Variants in MAPRE2 observed in about 807,000 individuals in gnomAD.
The protein encoded by MAPRE2 is microtubule associated protein RP/EB family member 2.
In MAPRE2, 13 loss-of-function variants were observed where a neutral mutation model predicts 43.2. The observed-to-expected ratio is 0.30, with a 90% CI of 0.20 to 0.48. The LOEUF is 0.48. MAPRE2 is among the 20% of genes least tolerant of loss of function. The pLI is 0.99. For missense variants in MAPRE2, 161 were observed against 400.2 expected, an observed-to-expected ratio of 0.40 and a Z score of 5.10; for synonymous variants, 135 against 148.8, an observed-to-expected ratio of 0.91 and a Z score of 0.68.
At chr18:35,126,513 G>T (rs1555921925) in intron 4 of MAPRE2, among the ~76,000 whole-genome samples, 1 of 152,016 alleles carries the variant, frequency 6.6e-6, no homozygotes, top group Non-Finnish European at 1.5e-5. Context: ...TTTTAAAAGA[G>T]AAAAAAATAC....
intron 1 of MAPRE2, among the ~76,000 whole-genome samples, chr18:35,043,044 C>T (rs754017808): frequency 4.0e-4 from 61 of 152,258 alleles, no homozygotes; most frequent in Non-Finnish European, 4.3e-4. Context: ...ATGGTTCCAA[C>T]TAATGTGTTG....
chr18:35,090,156 G>T (rs1908075661), intron 2 of MAPRE2, among the ~76,000 whole-genome samples: 1 of 152,160 alleles, frequency 6.6e-6, no homozygotes, highest in Non-Finnish European at 1.5e-5. Context: ...GAGAGCGACT[G>T]CTAATGAGTA....
rs1425359150 is a variant in MAPRE2, at chr18:35,132,021, C to T, written c.751-11C>T. 3 of 1,613,476 alleles carry T rather than the reference C, an allele frequency of 1.9e-6. No individual in the cohort carries two copies. Among genetic ancestry groups the T allele is most frequent in the South Asian group, 2.2e-5 (2 of 91,030 alleles). On this transcript the variant is annotated splice_polypyrimidine_tract_variant and intron_variant, in intron 5 of 6. Coordinates refer to ENST00000300249, the MANE Select transcript of MAPRE2 (RefSeq NM_014268.4). ...GGGTGGTTTTTTTTCTTCACTCTCA[C>T]TCCCTTGCAGGTACATTCATTAAAA...
At chr18:35,134,279 TTA>T (rs1184171557) in intron 6 of MAPRE2, among the ~76,000 whole-genome samples, 1 of 152,222 alleles carries the variant, frequency 6.6e-6, no homozygotes, top group African/African-American at 2.4e-5. Context: ...AATCCTGAGT[TTA>T]TGTTCTCCCT....
intron 2 of MAPRE2, among the ~76,000 whole-genome samples, chr18:35,076,673 A>G (rs1369122879): frequency 6.6e-6 from 1 of 152,186 alleles, no homozygotes; most frequent in African/African-American, 2.4e-5. Context: ...GCATATTGTC[A>G]TCTCTAAAGA....
chr18:35,061,427 AT>A (rs1906521102), intron 1 of MAPRE2, among the ~76,000 whole-genome samples: 1 of 152,208 alleles, frequency 6.6e-6, no homozygotes, highest in African/African-American at 2.4e-5. Flanking sequence ...TTTCTCCATC[AT>A]CCTTGTGTGA....
intron 1 of MAPRE2, among the ~76,000 whole-genome samples, chr18:34,979,637 C>CA (rs1204075107): frequency 6.6e-6 from 1 of 151,730 alleles, no homozygotes; most frequent in Non-Finnish European, 1.5e-5. Context: ...TTATGTGAAG[C>CA]AGAAAGGATG....
intron 1 of MAPRE2, among the ~76,000 whole-genome samples, chr18:35,061,571 G>C (rs182170902): frequency 2.0e-5 from 3 of 152,266 alleles, no homozygotes; most frequent in Admixed American, 1.3e-4. Flanking sequence ...AATAAAATAC[G>C]TGCAGGTCTG....
upstream of MAPRE2, among the ~76,000 whole-genome samples, chr18:35,041,120 G>C (rs972088813): frequency 6.6e-6 from 1 of 152,194 alleles, no homozygotes; most frequent in Non-Finnish European, 1.5e-5. Flanking sequence ...GTGGCAGCAC[G>C]GGTCGGAAAG....
At chr18:35,124,256 A>C (rs1342911328) in intron 4 of MAPRE2, among the ~76,000 whole-genome samples, 1 of 152,166 alleles carries the variant, frequency 6.6e-6, no homozygotes, top group African/African-American at 2.4e-5. Context: ...AGTGCCAAGC[A>C]AAGAGGGAAA....
At chr18:35,124,178 G>T (rs1377755074) in intron 4 of MAPRE2, among the ~76,000 whole-genome samples, 2 of 152,152 alleles carry the variant, frequency 1.3e-5, no homozygotes, top group Admixed American at 1.3e-4. Flanking sequence ...GGAGGCCTCA[G>T]AAAACTTAAA....
At chr18:35,018,174 G>A (rs1471787211) in intron 2 of MAPRE2, among the ~76,000 whole-genome samples, 1 of 151,900 alleles carries the variant, frequency 6.6e-6, no homozygotes. Flanking sequence ...TGATCGTGGT[G>A]GGTTAACTTT....
At chr18:35,104,704 T>C (rs967637625) in intron 4 of MAPRE2, among the ~76,000 whole-genome samples, 1 of 152,150 alleles carries the variant, frequency 6.6e-6, no homozygotes, top group Non-Finnish European at 1.5e-5. Flanking sequence ...GAAACAAACA[T>C]TGATGGCAGT....
At chr18:35,038,063 G>A (rs868531512), upstream of MAPRE2, among the ~76,000 whole-genome samples, 5 of 152,134 alleles carry the variant, frequency 3.3e-5, no homozygotes, top group African/African-American at 1.2e-4. Context: ...CTACAGATGT[G>A]GCCCTTGCCC....
At chr18:35,106,818 A>G (rs1421738546) in intron 4 of MAPRE2, among the ~76,000 whole-genome samples, 1 of 152,062 alleles carries the variant, frequency 6.6e-6, no homozygotes, top group African/African-American at 2.4e-5. Flanking sequence ...TGCATCTTGA[A>G]TTGGTTTTAA....
rs776289014 is a variant in MAPRE2 at position 35,041,551 on chromosome 18, G to A, written c.12G>A (p.Pro4=). 2 of 1,614,216 alleles carry A rather than the reference G, an allele frequency of 1.2e-6. No homozygotes were observed. Among genetic ancestry groups the A allele is most frequent in the East Asian group, 2.2e-5 (1 of 44,880 alleles). Residue 4 remains proline, a synonymous_variant, in exon 1 of 7, where the codon CCG becomes CCA. Coordinates refer to ENST00000300249, the MANE Select transcript of MAPRE2 (RefSeq NM_014268.4). MPG[P]TQTLSPNGEN... is the part of the protein sequence containing the mutation. ...TCGGGAGTGCGCCAATGCCTGGGCC[G>A]ACCCAAACCCTGTCCCCAAATGGCG...
chr18:35,037,465 T>TCCCAGGC (rs2097051139), upstream of MAPRE2, among the ~76,000 whole-genome samples: 3 of 152,282 alleles, frequency 2.0e-5, no homozygotes, highest in African/African-American at 7.2e-5. Flanking sequence ...GTGAAGTCAA[T>TCCCAGGC]CCCAGGCCCC....
chr18:35,091,789 G>A (rs944206294), intron 2 of MAPRE2, among the ~76,000 whole-genome samples: 1 of 152,006 alleles, frequency 6.6e-6, no homozygotes, highest in Non-Finnish European at 1.5e-5. Context: ...CTACAGAGCT[G>A]TAGTAGCCAA....
intron 2 of MAPRE2, among the ~76,000 whole-genome samples, chr18:35,031,726 AG>A (rs2097047936): frequency 6.6e-6 from 1 of 152,236 alleles, no homozygotes; most frequent in Non-Finnish European, 1.5e-5. Flanking sequence ...CTATTTTGCT[AG>A]CAAGTATGAG....
Sources: allele counts gnomAD v4.1 joint callset (sites outside exome capture counted in the v4.1 genomes callset), GRCh38; gene constraint gnomAD v4.1.1; transcripts MANE v1.5; gene names NCBI Gene and HGNC (gene_info 2026-07-23, HGNC 2026-07-21).